The following ETF1 variants were observed in gnomAD, a reference collection of about 807,000 sequenced individuals.
ETF1 encodes the protein eukaryotic translation termination factor 1.
Under a neutral mutation model 55.1 loss-of-function variants are expected in ETF1, and 4 were observed. The ratio of observed to expected loss-of-function variants is 0.07; its 90% CI spans 0.04 to 0.17. The LOEUF is 0.17. ETF1 is among the 10% of genes least tolerant of loss of function. The pLI is 1.00. For missense variants in ETF1, 142 were observed against 523.6 expected (o/e 0.27, Z 7.11); for synonymous variants, 157 against 182.3 (o/e 0.86, Z 1.12).
At chr5:138,524,964 G>T (rs1235659858) in intron 2 of ETF1, among the ~76,000 whole-genome samples, 1 of 150,570 alleles carries the variant, frequency 6.6e-6, no homozygotes, top group African/African-American at 2.4e-5. Flanking sequence ...TATGAAGATG[G>T]TATACAAAAT....
At chr5:138,514,735 T>C (rs914804310) in intron 4 of ETF1, among the ~76,000 whole-genome samples, 3 of 151,962 alleles carry the variant, frequency 2.0e-5, no homozygotes, top group East Asian at 1.9e-4. Flanking sequence ...TTTAAAGGTA[T>C]TGCAGCTAAT....
intron 2 of ETF1, among the ~76,000 whole-genome samples, chr5:138,535,930 C>T (rs1301179129): frequency 6.8e-6 from 1 of 146,382 alleles, no homozygotes; most frequent in East Asian, 2.0e-4. Context: ...TACTAAATCC[C>T]CTTCAACATG....
chr5:138,540,857 G>A (rs889190103), intron 2 of ETF1, among the ~76,000 whole-genome samples: 5 of 152,196 alleles, frequency 3.3e-5, no homozygotes, highest in African/African-American at 9.7e-5. Flanking sequence ...GTTTCTAGTG[G>A]CTAGGTAACA....
At chr5:138,535,313 C>A (rs935749232) in intron 2 of ETF1, among the ~76,000 whole-genome samples, 6 of 146,808 alleles carry the variant, frequency 4.1e-5, no homozygotes, top group African/African-American at 7.6e-5. Context: ...GATGGGGAAA[C>A]TGAAGCCCAT....
At chr5:138,539,885 C>T (rs1007871679) in intron 2 of ETF1, among the ~76,000 whole-genome samples, 8 of 152,196 alleles carry the variant, frequency 5.3e-5, no homozygotes, top group African/African-American at 1.9e-4. Flanking sequence ...TTTGCTGTGA[C>T]ATCTTGGACA....
In ETF1 at chr5:138,506,160, T is replaced by G. The variant is rs1362779558; in HGVS notation, c.*2145A>C. 1 of 152,642 alleles carries G rather than the reference T, an allele frequency of 6.6e-6. No individual in the cohort carries two copies. The highest frequency in any genetic ancestry group is 1.5e-5 in the Non-Finnish European group (1 of 68,048). 9.5% of individuals were successfully genotyped at this position (152,642 alleles called of 1,614,324 possible). Reference sequence around the variant, plus strand: ...CATCACAACACCAAGATTTTGCTGCTTAGTATCTCTCTGCAGAGGCTATAG... The same window carrying G: ...CATCACAACACCAAGATTTTGCTGCGTAGTATCTCTCTGCAGAGGCTATAG... On this transcript the variant is annotated 3_prime_UTR_variant, in exon 11 of 11. Transcript: ENST00000360541.
chr5:138,510,799 C>T (rs1042866070), intron 8 of ETF1, 170 bp from the exon 9 acceptor site: 1 of 681,834 alleles, frequency 1.5e-6, no homozygotes, highest in Admixed American at 6.3e-5. Flanking sequence ...AATGCTTCAA[C>T]CATAAGGAAC....
intron 2 of ETF1, among the ~76,000 whole-genome samples, chr5:138,527,054 G>T (rs763997011): frequency 1.3e-5 from 2 of 152,174 alleles, no homozygotes; most frequent in South Asian, 4.1e-4. Context: ...GGTCGGGCTG[G>T]TCTGGAACTC....
intron 2 of ETF1, among the ~76,000 whole-genome samples, chr5:138,538,645 A>G (rs987731544): frequency 3.3e-5 from 5 of 152,104 alleles, no homozygotes; most frequent in Non-Finnish European, 7.3e-5. Context: ...TTTTAGCTAC[A>G]ACCAGCCCTT....
intron 2 of ETF1, among the ~76,000 whole-genome samples, chr5:138,530,343 A>G (rs1765646777): frequency 6.6e-6 from 1 of 151,530 alleles, no homozygotes; most frequent in African/African-American, 2.4e-5. Context: ...CAGTGGTGTG[A>G]TCTCGGCTCA....
At chr5:138,534,370 G>A (rs1246314685) in intron 2 of ETF1, among the ~76,000 whole-genome samples, 1 of 152,194 alleles carries the variant, frequency 6.6e-6, no homozygotes, top group African/African-American at 2.4e-5. Flanking sequence ...AAGCAGCTTT[G>A]AAGCTGGAAA....
intron 2 of ETF1, chr5:138,541,712 T>G: frequency 8.5e-7 from 1 of 1,175,094 alleles, no homozygotes; most frequent in Non-Finnish European, 1.1e-6. Flanking sequence ...ATTCTACTAT[T>G]CTAAGAATGC....
At chr5:138,527,229 A>G (rs1765511251) in intron 2 of ETF1, among the ~76,000 whole-genome samples, 1 of 152,172 alleles carries the variant, frequency 6.6e-6, no homozygotes, top group Non-Finnish European at 1.5e-5. Context: ...CCAAAGTTAC[A>G]TATCCAAAAA....
intron 2 of ETF1, among the ~76,000 whole-genome samples, chr5:138,526,408 A>G (rs34498555): frequency 0.09 from 13,691 of 152,212 alleles, 811 homozygotes; most frequent in South Asian, 0.24. Flanking sequence ...AAAATTTCAT[A>G]AACGTGTACT....
chr5:138,530,894 A>T (rs1329783889), intron 2 of ETF1, among the ~76,000 whole-genome samples: 2 of 152,202 alleles, frequency 1.3e-5, no homozygotes, highest in African/African-American at 4.8e-5. Context: ...ATGCAGAACT[A>T]GGGTTGAGAA....
chr5:138,515,856 A>G (rs190314922), intron 4 of ETF1, among the ~76,000 whole-genome samples: 317 of 152,352 alleles, frequency 2.1e-3, no homozygotes, highest in African/African-American at 7.3e-3. Context: ...AGTGAAGAGA[A>G]AAACAGTCTG....
chr5:138,510,789 A>C, intron 8 of ETF1, 160 bp from the exon 9 acceptor site: 6 of 698,202 alleles, frequency 8.6e-6, no homozygotes, highest in Non-Finnish European at 8.8e-6. Context: ...TACTAGGTAC[A>C]ATGCTTCAAC....
At chr5:138,510,732 ATCTC>A in intron 8 of ETF1, 103 bp from the exon 9 acceptor site, 1 of 1,453,496 alleles carries the variant, frequency 6.9e-7, no homozygotes, top group South Asian at 1.3e-5. Context: ...CAGGGACTCA[ATCTC>A]TCAACATTTT....
intron 2 of ETF1, among the ~76,000 whole-genome samples, chr5:138,539,361 CCT>C (rs1561848126): frequency 6.6e-6 from 1 of 152,198 alleles, no homozygotes; most frequent in African/African-American, 2.4e-5. Context: ...TAATTCTCCC[CCT>C]TTTTCCAACA....
Sources: allele counts gnomAD v4.1 joint callset (sites outside exome capture counted in the v4.1 genomes callset), GRCh38; gene constraint gnomAD v4.1.1; transcripts MANE v1.5; gene names NCBI Gene and HGNC (gene_info 2026-07-23, HGNC 2026-07-21).